ARHGEF38: variants seen among roughly 807,000 people sequenced by gnomAD.
ARHGEF38 encodes the protein Rho guanine nucleotide exchange factor (GEF) 38.
ARHGEF38 carries 79 observed loss-of-function variants against 79.9 expected under a neutral mutation model. The observed-to-expected ratio is 0.99, with a 90% CI of 0.82 to 1.19. ARHGEF38 has a LOEUF of 1.19. ARHGEF38 is among the 50% of genes most tolerant of loss of function. The pLI, the probability that ARHGEF38 is intolerant of heterozygous loss-of-function variation, is 0.00. For missense variants in ARHGEF38, 962 were observed against 907.2 expected (o/e 1.06, Z -0.78); for synonymous variants, 366 against 328.3 (o/e 1.11, Z -1.24).
chr4:105,645,285 A>G lies in ARHGEF38; in HGVS notation c.772A>G (p.Thr258Ala). Residue 258 changes from threonine to alanine, a missense_variant, in exon 6 of 14, where the codon ACC (threonine) becomes GCC (alanine). Physicochemically the swap from Thr to Ala is moderately conservative, Grantham distance 58 (BLOSUM62 0). Coordinates refer to ENST00000420470, the MANE Select transcript of ARHGEF38 (RefSeq NM_001242729.2). ...ATTACTGTGCGAACTTCGGAATTCC[A>G]CCCCTCCCTCTCACCCAGATTACAG... is the stretch of plus-strand genomic sequence containing the variant. ...PLLLCELRNSTPPSHPDYRAL... is the reference protein window; with the variant it reads ...PLLLCELRNSAPPSHPDYRAL... 1 of 1,536,450 alleles carries G rather than the reference A, an allele frequency of 6.5e-7. No individual in the cohort carries two copies. Among genetic ancestry groups the G allele is most frequent in the Non-Finnish European group, 8.7e-7 (1 of 1,146,956 alleles).
At chr4:105,609,511 T>C (rs1159825156) in intron 2 of ARHGEF38, among the ~76,000 whole-genome samples, 1 of 152,114 alleles carries the variant, frequency 6.6e-6, no homozygotes, top group Non-Finnish European at 1.5e-5. Flanking sequence ...GAATTAATAC[T>C]GTTAAAATAT....
intron 1 of ARHGEF38, among the ~76,000 whole-genome samples, chr4:105,577,610 C>A (rs1416173595): frequency 1.3e-5 from 2 of 151,860 alleles, no homozygotes; most frequent in African/African-American, 4.8e-5. Context: ...CATCTCGCTG[C>A]TTATCGGTCT....
intron 1 of ARHGEF38, among the ~76,000 whole-genome samples, chr4:105,588,924 G>A (rs538211939): frequency 4.6e-5 from 7 of 152,176 alleles, no homozygotes; most frequent in Admixed American, 2.0e-4. Flanking sequence ...AAATGTGAAC[G>A]GAAGTTGTGA....
intron 1 of ARHGEF38, among the ~76,000 whole-genome samples, chr4:105,561,435 GAATAGAATA>G (rs1560684381): frequency 1.5e-5 from 1 of 64,614 alleles, no homozygotes; most frequent in African/African-American, 7.9e-5. Flanking sequence ...GAATAGAATA[GAATAGAATA>G]GAATGGAATA....
chr4:105,582,167 A>AAAAT (rs1726827781), intron 1 of ARHGEF38, among the ~76,000 whole-genome samples: 1 of 151,376 alleles, frequency 6.6e-6, no homozygotes, highest in Non-Finnish European at 1.5e-5. Context: ...TCCGTCTCAA[A>AAAAT]AAAAAAAAAA....
intron 7 of ARHGEF38, 137 bp downstream of exon 7, chr4:105,648,819 C>CCTCCCT: frequency 2.0e-6 from 1 of 490,056 alleles, no homozygotes; most frequent in Non-Finnish European, 3.1e-6. Context: ...CTCTTGTCTC[C>CCTCCCT]CTCTCTCTCT....
At chr4:105,647,435 TTA>T (rs1389511954) in intron 6 of ARHGEF38, among the ~76,000 whole-genome samples, 7 of 152,182 alleles carry the variant, frequency 4.6e-5, no homozygotes, top group Non-Finnish European at 7.3e-5. Flanking sequence ...AGCATTTTAT[TTA>T]TGAGTATATC....
At chr4:105,657,001 G>C (rs975648014) in intron 9 of ARHGEF38, among the ~76,000 whole-genome samples, 13 of 152,112 alleles carry the variant, frequency 8.5e-5, no homozygotes, top group Non-Finnish European at 1.9e-4. Context: ...CAGGCAGATA[G>C]ATGATGGTGA....
intron 2 of ARHGEF38, among the ~76,000 whole-genome samples, chr4:105,611,314 T>C (rs1728283701): frequency 6.6e-6 from 1 of 152,106 alleles, no homozygotes; most frequent in African/African-American, 2.4e-5. Context: ...TTAAGAAATA[T>C]ACAATCAGTA....
chr4:105,606,281 A>ATT (rs1309611704), intron 2 of ARHGEF38, among the ~76,000 whole-genome samples: 1 of 152,072 alleles, frequency 6.6e-6, no homozygotes, highest in Non-Finnish European at 1.5e-5. Context: ...CCAGAGGATG[A>ATT]TTTGGTTGGT....
rs544927174 is a variant in ARHGEF38, at chr4:105,652,960, G to A, written c.1009-1105G>A. The stretch of plus-strand genomic sequence containing the variant: ...TTAAATTTAAAAACAGATGAACCAA[G>A]CACTGCTATGGTTATCACCCAGTGC... On this transcript the variant is annotated intron_variant, in intron 7 of 13. Transcript: ENST00000420470. Among the ~76,000 whole-genome samples, 22 of 152,242 alleles carry A rather than the reference G, an allele frequency of 1.4e-4. No individual in the cohort carries two copies. In the South Asian group the frequency reaches 3.1e-3, roughly 22 times the overall value.
At chr4:105,643,037 C>T (rs7686722) in intron 5 of ARHGEF38, among the ~76,000 whole-genome samples, 56,501 of 151,616 alleles carry the variant, frequency 0.37, 15,296 homozygotes, top group African/African-American at 0.77. Context: ...TATTGAAGAA[C>T]CTCTGCTTAC....
chr4:105,585,726 C>CCTTTTT (rs3056721), intron 1 of ARHGEF38, among the ~76,000 whole-genome samples: 1 of 71,504 alleles, frequency 1.4e-5, no homozygotes, highest in Non-Finnish European at 2.4e-5. Context: ...CCCTCCGTTG[C>CCTTTTT]TTTTTTTTTT....
At chr4:105,618,235 A>G (rs1312907628) in intron 3 of ARHGEF38, among the ~76,000 whole-genome samples, 4 of 152,212 alleles carry the variant, frequency 2.6e-5, no homozygotes. Flanking sequence ...AGTAAAATAA[A>G]TATGCTGATA....
chr4:105,620,164 G>A (rs1176131383), intron 3 of ARHGEF38, among the ~76,000 whole-genome samples: 1 of 152,200 alleles, frequency 6.6e-6, no homozygotes, highest in Admixed American at 6.5e-5. Flanking sequence ...CTTAAGCACA[G>A]TGTCTAGATA....
intron 10 of ARHGEF38, among the ~76,000 whole-genome samples, chr4:105,665,482 AT>A (rs869126658): frequency 1.3e-4 from 20 of 149,728 alleles, no homozygotes; most frequent in African/African-American, 3.0e-4. Context: ...GAAAAAAAAA[AT>A]TTTTTTTTTA....
chr4:105,553,169 C>T lies in ARHGEF38; in HGVS notation c.196+208C>T, dbSNP rs73837981. The stretch of plus-strand genomic sequence containing the variant: ...TGATTCAATGTTAAAGAGTCAATTC[C>T]GAATTACTCTTAATATTGCTGTGTT... On this transcript the variant is annotated intron_variant, in intron 1 of 13. Transcript: ENST00000420470. Among the ~76,000 whole-genome samples the T allele has an allele frequency of 1.7e-3, 251 of 152,008 alleles. 1 individual carries two copies. The highest frequency in any genetic ancestry group is 4.4e-3 in the Admixed American group (67 of 15,264).
intron 10 of ARHGEF38, among the ~76,000 whole-genome samples, chr4:105,660,955 C>G (rs1329911103): frequency 6.6e-6 from 1 of 152,072 alleles, no homozygotes; most frequent in Non-Finnish European, 1.5e-5. Context: ...TGTCGTGGCC[C>G]CCTAAAGGAA....
intron 2 of ARHGEF38, among the ~76,000 whole-genome samples, chr4:105,605,482 C>T (rs979360385): frequency 5.9e-5 from 9 of 152,048 alleles, no homozygotes; most frequent in African/African-American, 2.2e-4. Flanking sequence ...TAGGTCTGTC[C>T]ACATTAGTAT....
Sources: gnomAD v4.1 joint callset for allele counts (sites outside exome capture counted in the v4.1 genomes callset) on GRCh38, gnomAD v4.1.1 for gene constraint, MANE v1.5 for transcripts, NCBI Gene and HGNC (gene_info 2026-07-23, HGNC 2026-07-21) for gene names.